The following ATP11A variants were observed in gnomAD, a reference collection of about 807,000 sequenced individuals.
ATP11A encodes the protein ATPase phospholipid transporting 11A.
In ATP11A, 81 loss-of-function variants were observed where a neutral mutation model predicts 154.4. The ratio of observed to expected loss-of-function variants is 0.52; its 90% CI spans 0.44 to 0.63. The LOEUF (loss-of-function observed/expected upper bound fraction) is 0.63, where lower values mean the gene tolerates loss of function less well. ATP11A is among the 30% of genes least tolerant of loss of function. The pLI is 0.00. For synonymous variants in ATP11A, 623 were observed against 585.9 expected, an observed-to-expected ratio of 1.06 and a Z score of -0.91; for missense variants, 1,316 against 1,474.3, an observed-to-expected ratio of 0.89 and a Z score of 1.76.
In ATP11A at chr13:112,881,970, C is replaced by T. The variant is rs1438904343; in HGVS notation, c.*104C>T. ...GCGGCCTGGAAGGAGAAGGTGTCCA[C>T]GGAGCCCCCACCCATCCTCGGCGGT... On this transcript the variant is annotated 3_prime_UTR_variant, in exon 30 of 30. Coordinates refer to ENST00000375645, the MANE Select transcript of ATP11A (RefSeq NM_015205.3). 5.8e-6 allele frequency: 8 copies of T among 1,367,682 alleles called. No individual in the cohort carries two copies. The Admixed American group carries it at 7.6e-5, about 13-fold the overall frequency. The allele number at this position is 1,367,682 out of a possible 1,614,324, so 84.7% of individuals were successfully genotyped here. A position where few individuals can be genotyped will look rare whatever the true frequency, so the allele number is the denominator to read the frequency against.
intron 1 of ATP11A, among the ~76,000 whole-genome samples, chr13:112,775,972 A>C (rs945439061): frequency 4.3e-4 from 65 of 152,212 alleles, no homozygotes; most frequent in Admixed American, 1.2e-3. Flanking sequence ...GCGTGAGCCC[A>C]CGCCGTCAGG....
intron 25 of ATP11A, among the ~76,000 whole-genome samples, chr13:112,862,817 A>G (rs894488355): frequency 6.8e-6 from 1 of 147,876 alleles, no homozygotes; most frequent in Non-Finnish European, 1.5e-5. Flanking sequence ...CCACCTGCGC[A>G]GTAATTCAGT....
chr13:112,783,257 A>G (rs1056171049), intron 1 of ATP11A, among the ~76,000 whole-genome samples: 3 of 152,184 alleles, frequency 2.0e-5, no homozygotes, highest in Non-Finnish European at 4.4e-5. Flanking sequence ...CCACGCAGAC[A>G]GGGACTCCAG....
intron 1 of ATP11A, among the ~76,000 whole-genome samples, chr13:112,775,189 G>A (rs1020098111): frequency 2.0e-5 from 3 of 152,264 alleles, no homozygotes; most frequent in African/African-American, 2.4e-5. Flanking sequence ...TGAAGTGCCC[G>A]TGGGCTGGCC....
chr13:112,776,083 C>T (rs111925591), intron 1 of ATP11A, among the ~76,000 whole-genome samples: 2,110 of 152,272 alleles, frequency 0.014, 55 homozygotes, highest in African/African-American at 0.047. Context: ...CCTGCAGGCT[C>T]GGAGTCCGTG....
Position 112,882,045 on chromosome 13 carries a change from G to A in ATP11A, c.*179G>A, listed in dbSNP as rs563595559. On this transcript the variant is annotated 3_prime_UTR_variant, in exon 30 of 30. Coordinates refer to ENST00000375645, the MANE Select transcript of ATP11A (RefSeq NM_015205.3). This position sits in a 1 kb window ranked among gnomAD's most constrained non-coding sequence, Gnocchi z 5.1. ...CCAAGTCACAGCTGCCCTAGGTCCC[G>A]TGTGGGAATGCTCGTGTGATGGATG... is the stretch of plus-strand genomic sequence containing the variant. 6.6e-6 allele frequency: 9 copies of A among 1,367,704 alleles called. No homozygotes were observed. Among genetic ancestry groups the A allele is most frequent in the Middle Eastern group, 2.1e-4 (1 of 4,768 alleles). 84.7% of individuals were successfully genotyped at this position (1,367,704 alleles called of 1,614,324 possible).
Position 112,842,376 on chromosome 13 carries a change from A to G in ATP11A, c.1806A>G (p.Ala602=), listed in dbSNP as rs1277418271. 7 of 1,601,148 alleles carry G rather than the reference A, an allele frequency of 4.4e-6. No homozygotes were observed. In the South Asian group the frequency reaches 4.5e-5, roughly 10 times the overall value. ...TCCGAGCCAGAGTGGAGCGTAACGCAGTGGTGAGAGCCGGGCTGGGGAGGG... is the reference window on the plus strand; with the variant it reads ...TCCGAGCCAGAGTGGAGCGTAACGCGGTGGTGAGAGCCGGGCTGGGGAGGG... ...DQIRARVERN[A]VEGLRTLCVA... is the part of the protein sequence containing the mutation. Residue 602 remains alanine (A), a synonymous_variant, in exon 17 of 30, where the codon GCA becomes GCG. Transcript: ENST00000375645.
At chr13:112,869,370 T>C (rs2080439238) in intron 25 of ATP11A, among the ~76,000 whole-genome samples, 1 of 152,224 alleles carries the variant, frequency 6.6e-6, no homozygotes, top group Non-Finnish European at 1.5e-5. Context: ...GCCTAACTCC[T>C]TATCCCAGTT....
At chr13:112,849,076 G>GT (rs1316206341) in intron 17 of ATP11A, among the ~76,000 whole-genome samples, 5 of 151,888 alleles carry the variant, frequency 3.3e-5, no homozygotes, top group African/African-American at 4.8e-5. Context: ...AAAGGTGCTG[G>GT]TTTTTTTTCA....
Position 112,775,390 on chromosome 13 carries a change from C to T in ATP11A, c.40-9745C>T, listed in dbSNP as rs560617890. ...ATGCACACAGGCGGGCTTCCACAGT[C>T]GGGGGGCCGCTGACAGGAGGAACCC... On this transcript the variant is annotated intron_variant, in intron 1 of 29. Coordinates refer to ENST00000375645, the MANE Select transcript of ATP11A (RefSeq NM_015205.3). 2.6e-4 allele frequency among the ~76,000 whole-genome samples: 40 copies of T among 152,264 alleles called. No homozygotes were observed. The South Asian group carries it at 7.7e-3, about 29-fold the overall frequency.
chr13:112,856,128 A>C, intron 20 of ATP11A, 43 bp downstream of exon 20: 13 of 1,569,016 alleles, frequency 8.3e-6, no homozygotes, highest in Non-Finnish European at 1.1e-5. Flanking sequence ...CAGGGCGTCC[A>C]AAACACTGAA....
At chr13:112,857,445 C>T (rs2079962063) in intron 20 of ATP11A, among the ~76,000 whole-genome samples, 1 of 152,166 alleles carries the variant, frequency 6.6e-6, no homozygotes, top group African/African-American at 2.4e-5. Flanking sequence ...ACATTTGCCC[C>T]TGTATATTTA....
Position 112,723,341 on chromosome 13 carries a change from G to A in ATP11A, c.39+32886G>A, listed in dbSNP as rs187883927. Among the ~76,000 whole-genome samples the A allele has an allele frequency of 0.012, 37 of 3,212 alleles. 1 individual carries two copies. The East Asian group carries it at 0.14, about 13-fold the overall frequency. The allele number at this position is 3,212 out of a possible 152,430, so 2.1% of individuals were successfully genotyped here. ...GGCTGTTGTGCAGTGGCGCGATCTC[G>A]GCTCACTGCACCCTCCGCCTGCCGG... is the stretch of plus-strand genomic sequence containing the variant. On this transcript the variant is annotated intron_variant, in intron 1 of 29. Coordinates refer to ENST00000375645, the MANE Select transcript of ATP11A (RefSeq NM_015205.3).
intron 25 of ATP11A, among the ~76,000 whole-genome samples, 191 bp from the exon 26 acceptor site, chr13:112,871,544 C>T (rs144237335): frequency 0.01 from 1,551 of 152,200 alleles, 13 homozygotes; most frequent in Non-Finnish European, 0.017. Flanking sequence ...GAAATGGGGG[C>T]GTCCTGCCGT....
At chr13:112,776,983 A>T (rs1256683280) in intron 1 of ATP11A, among the ~76,000 whole-genome samples, 1 of 152,150 alleles carries the variant, frequency 6.6e-6, no homozygotes, top group Non-Finnish European at 1.5e-5. Context: ...AGAGTGTCGC[A>T]TCGTAGATCT....
intron 1 of ATP11A, chr13:112,745,880 C>T (rs1007821433): frequency 1.3e-5 from 2 of 152,208 alleles, no homozygotes; most frequent in African/African-American, 2.4e-5. Flanking sequence ...AGAAATTCTC[C>T]GTCTTGCAAA....
intron 1 of ATP11A, among the ~76,000 whole-genome samples, chr13:112,711,675 G>A (rs776182488): frequency 6.6e-6 from 1 of 152,194 alleles, no homozygotes. Context: ...GCTTTGGACC[G>A]GGCAAGACTC....
chr13:112,792,161 T>C (rs1440171495), intron 2 of ATP11A, among the ~76,000 whole-genome samples: 1 of 152,070 alleles, frequency 6.6e-6, no homozygotes. Context: ...AATACCTCTT[T>C]TGCTAATGGA....
chr13:112,871,892 C>G (rs2080534118), intron 26 of ATP11A, 92 bp downstream of exon 26: 3 of 1,348,786 alleles, frequency 2.2e-6, no homozygotes, highest in Non-Finnish European at 2.1e-6. Context: ...AATTATAACT[C>G]TGTACTGAGG....
Sources: gnomAD v4.1 joint callset for allele counts (sites outside exome capture counted in the v4.1 genomes callset) on GRCh38, gnomAD v4.1.1 for gene constraint, Gnocchi (gnomAD v3.1) non-coding constraint, MANE v1.5 for transcripts, NCBI Gene and HGNC (gene_info 2026-07-23, HGNC 2026-07-21) for gene names.